GARNL3: variants seen among roughly 807,000 people sequenced by gnomAD.
GARNL3 encodes the protein GTPase activating Rap/RanGAP domain like 3, also known as GTPase-activating Rap/Ran-GAP domain-like protein 3.
Under a neutral mutation model 125.0 loss-of-function variants are expected in GARNL3, and 63 were observed. That is an observed-to-expected ratio of 0.50 (90% CI 0.41 to 0.62). The LOEUF is 0.62. Among genes scored for constraint, GARNL3 ranks in the 20% least tolerant of loss-of-function variants. The probability of loss-of-function intolerance (pLI) is 0.00; values close to 1 mark genes in which losing one functional copy is unlikely to be tolerated. For missense variants in GARNL3, 994 were observed against 1,244.0 expected (o/e 0.80, Z 3.02); for synonymous variants, 439 against 457.5 (o/e 0.96, Z 0.52).
Position 127,291,349 on chromosome 9 carries a change from C to G in GARNL3, c.219+107C>G, listed in dbSNP as rs947436259. The G allele has an allele frequency of 5.0e-5, 49 of 980,092 alleles. No homozygotes were observed. The African/African-American group carries it at 7.6e-4, about 15-fold the overall frequency. The allele number at this position is 980,092 out of a possible 1,614,324, so 60.7% of individuals were successfully genotyped here. On this transcript the variant is annotated intron_variant, in intron 2 of 27. Coordinates refer to ENST00000373387, the MANE Select transcript of GARNL3 (RefSeq NM_032293.5). ...AAGAGGTAAATAGAGCTTTTCAGAG[C>G]TTTGCTTGAAGCAAATGGAAGGGAA... is the stretch of plus-strand genomic sequence containing the variant.
intron 4 of GARNL3, among the ~76,000 whole-genome samples, chr9:127,315,362 C>T (rs773367111): frequency 1.3e-5 from 2 of 152,194 alleles, no homozygotes; most frequent in Non-Finnish European, 2.9e-5. Flanking sequence ...CTAGGCCCAG[C>T]ACAGTGGCTC....
intron 22 of GARNL3, among the ~76,000 whole-genome samples, chr9:127,379,428 A>G (rs1304541982): frequency 6.6e-6 from 1 of 152,178 alleles, no homozygotes; most frequent in African/African-American, 2.4e-5. Flanking sequence ...TTATTTGGTC[A>G]CTCAGACTGG....
upstream of GARNL3, chr9:127,264,056 C>A: frequency 9.8e-7 from 1 of 1,021,422 alleles, no homozygotes; most frequent in Non-Finnish European, 1.4e-6. Flanking sequence ...ATATAGTAAA[C>A]ATGTTATTCC....
At chr9:127,249,069 T>G (rs1432847327) in intron 2 of GARNL3, among the ~76,000 whole-genome samples, 1 of 151,806 alleles carries the variant, frequency 6.6e-6, no homozygotes, top group African/African-American at 2.4e-5. Context: ...TTTTATTTCC[T>G]TTTTCTTCCC....
intron 1 of GARNL3, among the ~76,000 whole-genome samples, chr9:127,233,705 G>C (rs909944044): frequency 3.9e-5 from 6 of 152,128 alleles, no homozygotes; most frequent in Non-Finnish European, 8.8e-5. Flanking sequence ...CTCTGTGCAT[G>C]GTGGTTTCCT....
chr9:127,346,147 T>C (rs1830125833), intron 16 of GARNL3, among the ~76,000 whole-genome samples: 1 of 152,200 alleles, frequency 6.6e-6, no homozygotes, highest in Admixed American at 6.5e-5. Flanking sequence ...AACTAGGTGA[T>C]CATCAAAAAT....
chr9:127,237,731 T>G (rs1244574217), intron 1 of GARNL3, among the ~76,000 whole-genome samples: 1 of 152,218 alleles, frequency 6.6e-6, no homozygotes, highest in Admixed American at 6.5e-5. Context: ...CCAGCCTCAG[T>G]TGGGTGCTTG....
At chr9:127,324,615 A>C (rs2065508087) in intron 6 of GARNL3, among the ~76,000 whole-genome samples, 3 of 152,222 alleles carry the variant, frequency 2.0e-5, no homozygotes, top group African/African-American at 7.2e-5. Context: ...ACTTCCTTGT[A>C]ATAAGTTTAC....
intron 2 of GARNL3, among the ~76,000 whole-genome samples, chr9:127,304,528 T>G (rs1362289395): frequency 1.0e-5 from 1 of 99,962 alleles, no homozygotes; most frequent in African/African-American, 4.9e-5. Flanking sequence ...AGTGGCTTTA[T>G]TCTTTTTTTT....
intron 27 of GARNL3, among the ~76,000 whole-genome samples, chr9:127,391,534 ATAT>A (rs1564207550): frequency 2.0e-5 from 2 of 102,218 alleles, no homozygotes; most frequent in East Asian, 2.8e-4. Context: ...CAAAAAAAAA[ATAT>A]ATATATATAT....
rs1224712490 is a variant in GARNL3, at chr9:127,389,022, C to A, written c.2646C>A (p.Ile882=). Residue 882 remains isoleucine, a synonymous_variant, in exon 26 of 28, where the codon ATC becomes ATA. Transcript: ENST00000373387. ...AGGTCATCACCCCACCCACTCCCAT[C>A]AGTGTGGGCCTTGCTGCCATTCCAG... ...VSKVITPPTP[I]SVGLAAIPVT... is the part of the protein sequence containing the mutation. The A allele has an allele frequency of 1.9e-6, 3 of 1,613,330 alleles. No homozygotes were observed. Among genetic ancestry groups the A allele is most frequent in the Non-Finnish European group, 2.5e-6 (3 of 1,179,234 alleles).
chr9:127,345,508 T>C (rs1229886187), intron 16 of GARNL3, 31 bp downstream of exon 16: 1 of 1,317,184 alleles, frequency 7.6e-7, no homozygotes, highest in Non-Finnish European at 1.1e-6. Flanking sequence ...ATTTGAACTT[T>C]GAATTCCCCT....
At chr9:127,256,040 G>GT (rs2063489870) in intron 2 of GARNL3, among the ~76,000 whole-genome samples, 1 of 152,216 alleles carries the variant, frequency 6.6e-6, no homozygotes, top group South Asian at 2.1e-4. Flanking sequence ...TCTGCAGGTG[G>GT]TTAAGGGAGG....
At chr9:127,326,594 A>G (rs1293762784) in intron 7 of GARNL3, among the ~76,000 whole-genome samples, 1 of 152,190 alleles carries the variant, frequency 6.6e-6, no homozygotes, top group Non-Finnish European at 1.5e-5. Flanking sequence ...AATACACCTA[A>G]TATATAATAC....
chr9:127,238,228 C>T (rs1422662439), intron 1 of GARNL3, among the ~76,000 whole-genome samples: 1 of 152,124 alleles, frequency 6.6e-6, no homozygotes, highest in Non-Finnish European at 1.5e-5. Flanking sequence ...ACCTCGTGAT[C>T]CGCCCACCTT....
At chr9:127,275,769 C>G (rs1218988463) in intron 1 of GARNL3, among the ~76,000 whole-genome samples, 1 of 152,164 alleles carries the variant, frequency 6.6e-6, no homozygotes, top group Non-Finnish European at 1.5e-5. Context: ...TTATATTGAA[C>G]TATTTTACAC....
At chr9:127,344,177 C>A in intron 14 of GARNL3, 58 bp from the exon 15 acceptor site, 6 of 1,217,438 alleles carry the variant, frequency 4.9e-6, no homozygotes, top group Non-Finnish European at 7.1e-6. Flanking sequence ...CTATGAGAAG[C>A]CAAAAGATGA....
chr9:127,351,473 C>CT (rs1410266131), intron 17 of GARNL3, among the ~76,000 whole-genome samples: 2 of 149,448 alleles, frequency 1.3e-5, no homozygotes, highest in African/African-American at 5.0e-5. Flanking sequence ...TTTGTTTTTG[C>CT]TTAAAAAAAA....
Position 127,331,720 on chromosome 9 carries a change from C to CTTTTTTTTTT in GARNL3, c.595-548_595-539dup, listed in dbSNP as rs60448026. Among the ~76,000 whole-genome samples the CTTTTTTTTTT allele has an allele frequency of 6.7e-4, 50 of 74,392 alleles. 1 individual carries two copies. Among genetic ancestry groups the CTTTTTTTTTT allele is most frequent in the Middle Eastern group, 6.4e-3 (1 of 156 alleles). The allele number at this position is 74,392 out of a possible 152,430, so 48.8% of individuals were successfully genotyped here. ...CTACTGCTTGCTTGGCTTGGGCTTG[C>CTTTTTTTTTT]TTTTTTTTTTTTTTTCACATCTGTT... is the stretch of plus-strand genomic sequence containing the variant. On this transcript the variant is annotated intron_variant, in intron 7 of 27. Coordinates refer to ENST00000373387, the MANE Select transcript of GARNL3 (RefSeq NM_032293.5).
Sources: allele counts gnomAD v4.1 joint callset (sites outside exome capture counted in the v4.1 genomes callset), GRCh38; gene constraint gnomAD v4.1.1; transcripts MANE v1.5; gene names NCBI Gene and HGNC (gene_info 2026-07-23, HGNC 2026-07-21).